Variants in SLC44A3 observed in about 807,000 individuals in gnomAD.
SLC44A3 encodes the protein solute carrier family 44 member 3.
In SLC44A3, 74 loss-of-function variants were observed where a neutral mutation model predicts 75.4. The observed-to-expected ratio is 0.98, with a 90% CI of 0.81 to 1.19. The LOEUF (loss-of-function observed/expected upper bound fraction) is 1.19. Among genes scored for constraint, SLC44A3 ranks in the 50% most tolerant of loss-of-function variants. The pLI, the probability that SLC44A3 is intolerant of heterozygous loss-of-function variation, is 0.00. For missense variants in SLC44A3, 700 were observed against 778.6 expected, an observed-to-expected ratio of 0.90 and a Z score of 1.20; for synonymous variants, 310 against 296.9, an observed-to-expected ratio of 1.04 and a Z score of -0.45.
At chr1:94,821,166 G>A in intron 2 of SLC44A3, 110 bp downstream of exon 2, 1 of 813,244 alleles carries the variant, frequency 1.2e-6, no homozygotes, top group South Asian at 2.0e-5. Flanking sequence ...GACTTCTGCC[G>A]TTAACCCACA....
At chr1:94,827,743 TG>T in intron 4 of SLC44A3, 100 bp downstream of exon 4, 1 of 1,442,070 alleles carries the variant, frequency 6.9e-7, no homozygotes, top group Non-Finnish European at 9.4e-7. Context: ...TCTGGAAAGC[TG>T]GAAGTTTTAC....
chr1:94,888,872 G>A (rs1669902109), intron 12 of SLC44A3: 1 of 165,850 alleles, frequency 6.0e-6, no homozygotes, highest in South Asian at 2.0e-4. Context: ...TAGGATCATA[G>A]GCATGTGCCA....
rs1401325896 is a variant in SLC44A3 at position 94,857,399 on chromosome 1, G to A, written c.1137G>A (p.Met379Ile). Residue 379 changes from methionine (M) to isoleucine (I), a missense_variant, in exon 10 of 15, where the codon ATG (methionine) becomes ATA (isoleucine). Met to Ile is a conservative substitution (Grantham distance 10). Transcript: ENST00000271227. ...AGCCCCTTTCGGGCATTCGGTACAT[G>A]TGGTCGTACCATTTAATTGGCCTCA... ...EYKPLSGIRY[M>I]WSYHLIGLIW... is the part of the protein sequence containing the mutation. The A allele has an allele frequency of 3.1e-6, 5 of 1,614,070 alleles. No individual in the cohort carries two copies. Among genetic ancestry groups the A allele is most frequent in the Non-Finnish European group, 4.2e-6 (5 of 1,180,000 alleles).
intron 3 of SLC44A3, among the ~76,000 whole-genome samples, chr1:94,826,960 T>TC (rs1180773088): frequency 6.6e-6 from 1 of 152,048 alleles, no homozygotes; most frequent in Non-Finnish European, 1.5e-5. Context: ...TTCATTCTTG[T>TC]CCCCCCTCTG....
In SLC44A3 at chr1:94,864,835, T is replaced by A. The variant is rs1666978161; in HGVS notation, c.1331T>A (p.Leu444Ter). Reference protein sequence around the residue: ...HQGTVVKGSFLISVVRIPRII... With the variant: ...HQGTVVKGSF ...GGAACCGTTGTGAAAGGGTCATTTT[T>A]AATCTCTGTGGTGAGGATTCCGAGA... The change falls in exon 11 of 15, where the codon TTA becomes TAA. Residue 444 changes from leucine to a stop codon, truncating the protein, a stop_gained. Transcript: ENST00000271227. LOFTEE classifies it high-confidence loss of function. 1 of 1,614,012 alleles carries A rather than the reference T, an allele frequency of 6.2e-7. No homozygotes were observed. The highest frequency in any genetic ancestry group is 1.3e-5 in the African/African-American group (1 of 74,942).
intron 11 of SLC44A3, among the ~76,000 whole-genome samples, chr1:94,865,667 G>C (rs12082063): frequency 0.056 from 8,503 of 152,228 alleles, 607 homozygotes; most frequent in African/African-American, 0.17. Context: ...CTTTTCCCAA[G>C]TCTTCTGTTC....
chr1:94,874,915 T>C (rs1441466887), intron 12 of SLC44A3, among the ~76,000 whole-genome samples: 1 of 152,212 alleles, frequency 6.6e-6, no homozygotes, highest in Non-Finnish European at 1.5e-5. Context: ...AATTGTGAGA[T>C]GTAAGAGTCA....
In SLC44A3 at chr1:94,854,768, T is replaced by A. The variant is rs559521544; in HGVS notation, c.1073-2567T>A. ...TTGCCCCTGATATGGCATTTGGCAA[T>A]GTGTGGACACATTTTTGGGTTGTCG... is the stretch of plus-strand genomic sequence containing the variant. On this transcript the variant is annotated intron_variant, in intron 9 of 14. Coordinates refer to ENST00000271227, the MANE Select transcript of SLC44A3 (RefSeq NM_001114106.3). Among the ~76,000 whole-genome samples, 3 of 138,242 alleles carry A rather than the reference T, an allele frequency of 2.2e-5. No individual in the cohort carries two copies. The South Asian group carries it at 7.4e-4, about 34-fold the overall frequency. The allele number at this position is 138,242 out of a possible 152,430, so 90.7% of individuals were successfully genotyped here. A position where few individuals can be genotyped will look rare whatever the true frequency, so the allele number is the denominator to read the frequency against.
intron 12 of SLC44A3, among the ~76,000 whole-genome samples, chr1:94,875,963 C>T (rs1668239627): frequency 6.6e-6 from 1 of 152,190 alleles, no homozygotes; most frequent in South Asian, 2.1e-4. Context: ...ATCCAGTTTC[C>T]TCATAAAGAA....
intron 12 of SLC44A3, among the ~76,000 whole-genome samples, chr1:94,879,481 G>A (rs537310759): frequency 1.5e-4 from 23 of 149,338 alleles, no homozygotes; most frequent in East Asian, 7.9e-4. Flanking sequence ...GCGGTGAGCC[G>A]GGATCATGCC....
chr1:94,879,659 G>A (rs1668732005), intron 12 of SLC44A3, among the ~76,000 whole-genome samples: 1 of 151,120 alleles, frequency 6.6e-6, no homozygotes, highest in African/African-American at 2.4e-5. Context: ...CTAACACGGT[G>A]AAACCCCGTC....
chr1:94,862,916 T>C (rs1666743376), intron 10 of SLC44A3, among the ~76,000 whole-genome samples: 1 of 152,176 alleles, frequency 6.6e-6, no homozygotes, highest in Non-Finnish European at 1.5e-5. Context: ...ATCCTCTTCC[T>C]GAAGGCAGGT....
At chr1:94,862,144 C>A (rs114744419) in intron 10 of SLC44A3, among the ~76,000 whole-genome samples, 6 of 152,148 alleles carry the variant, frequency 3.9e-5, no homozygotes, top group Non-Finnish European at 7.3e-5. Context: ...AACATACAAC[C>A]TTCTCAGCCC....
At chr1:94,831,945 G>C (rs1462833291) in intron 5 of SLC44A3, among the ~76,000 whole-genome samples, 1 of 152,118 alleles carries the variant, frequency 6.6e-6, no homozygotes, top group Admixed American at 6.5e-5. Context: ...AGGGCGAGGC[G>C]GGCAGATCAC....
At chr1:94,858,837 G>T (rs1022209092) in intron 10 of SLC44A3, among the ~76,000 whole-genome samples, 3 of 152,050 alleles carry the variant, frequency 2.0e-5, no homozygotes, top group African/African-American at 7.2e-5. Context: ...GACTACAGGC[G>T]CCCACCACCA....
intron 12 of SLC44A3, among the ~76,000 whole-genome samples, chr1:94,887,878 T>G (rs1423745155): frequency 3.3e-5 from 5 of 152,088 alleles, no homozygotes; most frequent in Non-Finnish European, 7.4e-5. Flanking sequence ...GTGTGAGGGA[T>G]TAAAGCCTAC....
At chr1:94,840,413 C>G (rs1304671569) in intron 7 of SLC44A3, among the ~76,000 whole-genome samples, 1 of 151,822 alleles carries the variant, frequency 6.6e-6, no homozygotes, top group Non-Finnish European at 1.5e-5. Flanking sequence ...TCTCAGCCCC[C>G]CAGGTAGCTG....
At chr1:94,852,053 T>G (rs1460076429) in intron 9 of SLC44A3, among the ~76,000 whole-genome samples, 1 of 152,232 alleles carries the variant, frequency 6.6e-6, no homozygotes, top group Admixed American at 6.5e-5. Flanking sequence ...CCAAATCTCT[T>G]TAATAGAATA....
chr1:94,827,005 G>A (rs1261144294), intron 3 of SLC44A3, among the ~76,000 whole-genome samples: 1 of 152,186 alleles, frequency 6.6e-6, no homozygotes, highest in African/African-American at 2.4e-5. Flanking sequence ...GGGTTCTCCT[G>A]AGTGTCCTGG....
Sources: gnomAD v4.1 joint callset for allele counts (sites outside exome capture counted in the v4.1 genomes callset) on GRCh38, gnomAD v4.1.1 for gene constraint, MANE v1.5 for transcripts, NCBI Gene and HGNC (gene_info 2026-07-23, HGNC 2026-07-21) for gene names.